Variants in PRSS36 observed in about 807,000 individuals in gnomAD.
PRSS36 encodes polyserase-2.
Under a neutral mutation model 94.3 loss-of-function variants are expected in PRSS36, and 90 were observed. The observed-to-expected ratio is 0.95, with a 90% CI of 0.80 to 1.14. PRSS36 has a LOEUF of 1.14. Among genes scored for constraint, PRSS36 ranks in the 50% most tolerant of loss-of-function variants. The pLI, the probability that PRSS36 is intolerant of heterozygous loss-of-function variation, is 0.00. For synonymous variants in PRSS36, 500 were observed against 489.6 expected, an observed-to-expected ratio of 1.02 and a Z score of -0.28; for missense variants, 1,158 against 1,135.0, an observed-to-expected ratio of 1.02 and a Z score of -0.29.
Position 31,139,045 on chromosome 16 carries a change from CTTG to C in PRSS36, c.*90_*92del. ...CGCTGCAATCTCGGTGGGTGGGGCC[CTTG>C]AGGTTCCAGCCGGCTGGGCCACATT... On this transcript the variant is annotated 3_prime_UTR_variant, in exon 15 of 15. Transcript: ENST00000268281. The C allele has an allele frequency of 7.1e-7, 1 of 1,399,896 alleles. No homozygotes were observed. The highest frequency in any genetic ancestry group is 9.6e-7 in the Non-Finnish European group (1 of 1,044,486). The allele number at this position is 1,399,896 out of a possible 1,614,324, so 86.7% of individuals were successfully genotyped here.
At chr16:31,143,139 C>T (rs989146302) in intron 8 of PRSS36, 146 bp from the exon 9 acceptor site, 109 of 1,317,548 alleles carry the variant, frequency 8.3e-5, no homozygotes, top group Non-Finnish European at 1.1e-4. Context: ...ACTCACACCC[C>T]CGCCTCCGGG....
intron 14 of PRSS36, 43 bp from the exon 15 acceptor site, chr16:31,139,459 T>G: frequency 3.2e-6 from 5 of 1,584,078 alleles, no homozygotes; most frequent in Non-Finnish European, 4.3e-6. Context: ...CTGCCCTTCC[T>G]CTTGGTCCCC....
intron 12 of PRSS36, among the ~76,000 whole-genome samples, chr16:31,141,126 G>T (rs1054725466): frequency 6.6e-6 from 1 of 152,128 alleles, no homozygotes; most frequent in Admixed American, 6.5e-5. Context: ...GTTTCACCAT[G>T]TTGGCCAGGC....
At position 31,141,922 on chromosome 16, in the gene PRSS36, C is replaced by T; in HGVS notation, c.1560G>A (p.Gly520=). 2 of 1,614,156 alleles carry T rather than the reference C, an allele frequency of 1.2e-6. No individual in the cohort carries two copies. Among genetic ancestry groups the T allele is most frequent in the Non-Finnish European group, 1.7e-6 (2 of 1,180,026 alleles). ...CTCTGATTCCAGCCAGAAACCAGGT[C>T]CCCTCCTCCTGGCACAAAAGGCTCC... ...SRWSLLCQEE[G]TWFLAGIRDF... is the part of the protein sequence containing the mutation. Residue 520 remains glycine, a synonymous_variant, in exon 11 of 15, where the codon GGG becomes GGA. Transcript: ENST00000268281.
intron 10 of PRSS36, among the ~76,000 whole-genome samples, 194 bp from the exon 11 acceptor site, chr16:31,142,154 T>G (rs990427415): frequency 4.6e-5 from 7 of 152,290 alleles, no homozygotes; most frequent in African/African-American, 1.7e-4. Flanking sequence ...AATCCAGAGA[T>G]AGAGAGAAAC....
intron 6 of PRSS36, among the ~76,000 whole-genome samples, chr16:31,144,568 T>A (rs1428964985): frequency 2.0e-5 from 3 of 152,236 alleles, no homozygotes; most frequent in Non-Finnish European, 2.9e-5. Context: ...TCAATTTTTC[T>A]GATTAGCTGG....
intron 5 of PRSS36, among the ~76,000 whole-genome samples, chr16:31,147,718 G>GA (rs1302203240): frequency 6.6e-6 from 1 of 152,174 alleles, no homozygotes; most frequent in African/African-American, 2.4e-5. Flanking sequence ...CTGGCATGTA[G>GA]AAGGTGCTCA....
intron 3 of PRSS36, 63 bp downstream of exon 3, chr16:31,149,400 C>T (rs1047483192): frequency 2.6e-5 from 42 of 1,594,900 alleles, no homozygotes; most frequent in Non-Finnish European, 3.6e-5. Context: ...TTTCCACCTC[C>T]CTCATGGCCT....
chr16:31,142,093 C>T (rs1048630519), intron 10 of PRSS36, 133 bp from the exon 11 acceptor site: 1 of 745,316 alleles, frequency 1.3e-6, no homozygotes, highest in Admixed American at 2.3e-5. Flanking sequence ...AAATCAGACT[C>T]CAAATACTAA....
chr16:31,141,083 C>T (rs1281776074), intron 12 of PRSS36, among the ~76,000 whole-genome samples: 1 of 152,154 alleles, frequency 6.6e-6, no homozygotes, highest in Non-Finnish European at 1.5e-5. Context: ...CCTGCCACCA[C>T]CCCTGGCTAA....
intron 2 of PRSS36, 86 bp from the exon 3 acceptor site, chr16:31,149,584 G>A: frequency 8.7e-6 from 14 of 1,603,068 alleles, no homozygotes; most frequent in Non-Finnish European, 1.1e-5. Context: ...TCCAACCCCC[G>A]ACCCTATCTT....
chr16:31,142,914 C>G lies in PRSS36; in HGVS notation c.1180G>C (p.Val394Leu), dbSNP rs1203852887. 2.6e-6 allele frequency: 4 copies of G among 1,532,876 alleles called. No individual in the cohort carries two copies. Among genetic ancestry groups the G allele is most frequent in the Non-Finnish European group, 1.7e-6 (2 of 1,146,336 alleles). The allele number at this position is 1,532,876 out of a possible 1,614,324, so 95.0% of individuals were successfully genotyped here. A position where few individuals can be genotyped will look rare whatever the true frequency, so the allele number is the denominator to read the frequency against. Reference protein sequence around the residue: ...LLPSRPRAERVARLVQHENAS... With the variant: ...LLPSRPRAERLARLVQHENAS... ...TTCTCGTGCTGCACCAGGCGCGCCA[C>G]CCGCTCCGCGCGCGGGCGCGAGGGC... Residue 394 changes from valine to leucine, a missense_variant, in exon 9 of 15, where the codon GTG becomes CTG. By Grantham distance (32) the Val-to-Leu change is conservative. Coordinates refer to ENST00000268281, the MANE Select transcript of PRSS36 (RefSeq NM_173502.5).
rs1172491689 is a variant in PRSS36 at position 31,143,007 on chromosome 16, G to A, written c.1101-14C>T. On this transcript the variant is annotated splice_polypyrimidine_tract_variant and intron_variant, in intron 8 of 14. Coordinates refer to ENST00000268281, the MANE Select transcript of PRSS36 (RefSeq NM_173502.5). ...GAGCTGTTCGGGCTGCGGGATGGGG[G>A]CCGAGGGACGTGGGCCGGATCCCGC... 2 of 1,377,904 alleles carry A rather than the reference G, an allele frequency of 1.5e-6. No homozygotes were observed. Among genetic ancestry groups the A allele is most frequent in the Middle Eastern group, 1.9e-4 (1 of 5,294 alleles). 85.4% of individuals were successfully genotyped at this position (1,377,904 alleles called of 1,614,324 possible). A position where few individuals can be genotyped will look rare whatever the true frequency, so the allele number is the denominator to read the frequency against.
At chr16:31,146,030 C>T (rs1048011324) in intron 5 of PRSS36, 75 bp from the exon 6 acceptor site, 3 of 1,429,212 alleles carry the variant, frequency 2.1e-6, no homozygotes, top group Middle Eastern at 2.0e-4. Flanking sequence ...AGGTTTGCCT[C>T]CTGCGGCTGC....
At chr16:31,144,765 G>A (rs2057771696) in intron 6 of PRSS36, among the ~76,000 whole-genome samples, 1 of 152,030 alleles carries the variant, frequency 6.6e-6, no homozygotes, top group Admixed American at 6.6e-5. Context: ...ACTCCAGCCT[G>A]GGCAACAAGA....
At chr16:31,140,859 T>C (rs1250989411) in intron 12 of PRSS36, 102 bp from the exon 13 acceptor site, 6 of 1,230,186 alleles carry the variant, frequency 4.9e-6, no homozygotes, top group Middle Eastern at 2.4e-4. Flanking sequence ...TGCCACTCAC[T>C]CCTTCATCAT....
At chr16:31,145,140 C>T (rs569315818) in intron 6 of PRSS36, among the ~76,000 whole-genome samples, 2 of 151,820 alleles carry the variant, frequency 1.3e-5, no homozygotes, top group South Asian at 2.1e-4. Flanking sequence ...GAGGCTGAGG[C>T]GGGTGGATCA....
At chr16:31,143,199 C>A (rs2057741208) in intron 8 of PRSS36, 143 bp downstream of exon 8, 2 of 1,395,032 alleles carry the variant, frequency 1.4e-6, no homozygotes, top group Non-Finnish European at 1.9e-6. Context: ...AGGCCAGGAC[C>A]CCTCTTTTTG....
chr16:31,142,863 G>C lies in PRSS36; in HGVS notation c.1231C>G (p.Leu411Val), dbSNP rs984955227. Residue 411 changes from leucine to valine, a missense_variant, in exon 9 of 15, where the codon CTG (leucine) becomes GTG (valine). By Grantham distance (32) the Leu-to-Val change is conservative. Transcript: ENST00000268281. ...ENASWDNASD[L>V]ALLQLRTPVN... ...GGCGTGCGCAGCTGCAGCAGCGCCA[G>C]GTCCGAGGCGTTGTCCCACGAAGCG... 1.9e-6 allele frequency: 3 copies of C among 1,560,190 alleles called. No individual in the cohort carries two copies. The highest frequency in any genetic ancestry group is 2.6e-6 in the Non-Finnish European group (3 of 1,157,800).
Sources: gnomAD v4.1 joint callset for allele counts (sites outside exome capture counted in the v4.1 genomes callset) on GRCh38, gnomAD v4.1.1 for gene constraint, MANE v1.5 for transcripts, NCBI Gene and HGNC (gene_info 2026-07-23, HGNC 2026-07-21) for gene names.